GRB10: variants seen among roughly 807,000 people sequenced by gnomAD.
GRB10 encodes growth factor receptor-bound protein 10.
GRB10 carries 20 observed loss-of-function variants against 80.9 expected under a neutral mutation model. The ratio of observed to expected loss-of-function variants is 0.25; its 90% confidence interval spans 0.17 to 0.36. The LOEUF (loss-of-function observed/expected upper bound fraction) is 0.36, where lower values mean the gene tolerates loss of function less well. Among genes scored for constraint, GRB10 ranks in the 10% least tolerant of loss-of-function variants. GRB10 has a pLI of 1.00. For missense variants in GRB10, 548 were observed against 747.7 expected, an observed-to-expected ratio of 0.73 and a Z score of 3.12; for synonymous variants, 291 against 291.5, an observed-to-expected ratio of 1.00 and a Z score of 0.02.
chr7:50,597,746 C>T (rs537213132), intron 17 of GRB10, among the ~76,000 whole-genome samples: 13 of 152,300 alleles, frequency 8.5e-5, no homozygotes, highest in African/African-American at 2.4e-4. Context: ...GACTGCTATG[C>T]GGGGAGAATG....
At chr7:50,718,266 T>TCCTTCTTCTGAAA (rs1378974068) in intron 4 of GRB10, among the ~76,000 whole-genome samples, 1 of 152,134 alleles carries the variant, frequency 6.6e-6, no homozygotes, top group East Asian at 1.9e-4. Flanking sequence ...GAAAATGAGT[T>TCCTTCTTCTGAAA]TGGTTTGAAA....
chr7:50,666,260 T>A (rs1369286901), intron 7 of GRB10, among the ~76,000 whole-genome samples: 1 of 152,222 alleles, frequency 6.6e-6, no homozygotes, highest in African/African-American at 2.4e-5. Flanking sequence ...GGGCCCACTT[T>A]GCGGTCAACC....
intron 8 of GRB10, among the ~76,000 whole-genome samples, chr7:50,622,781 C>T: frequency 6.6e-6 from 1 of 150,886 alleles, no homozygotes; most frequent in South Asian, 2.1e-4. Flanking sequence ...TTCAAAATTC[C>T]TTTTATCTTT....
Position 50,603,980 on chromosome 7 carries a change from T to TCAGTGGTGG in GRB10, c.1544+9_1544+17dup. On this transcript the variant is annotated intron_variant, in intron 17 of 18. Transcript: ENST00000401949. ...AAACCTTAGCAGATGACAGCTCTTA[T>TCAGTGGTGG]CAGTGGTGGTTCCTTACCCATCCAC... 1 of 1,564,708 alleles carries TCAGTGGTGG rather than the reference T, an allele frequency of 6.4e-7. No individual in the cohort carries two copies.
chr7:50,772,867 T>C (rs2077120764), intron 2 of GRB10, among the ~76,000 whole-genome samples: 1 of 152,110 alleles, frequency 6.6e-6, no homozygotes, highest in African/African-American at 2.4e-5. Context: ...CTGATAAGAG[T>C]ATTAATATCT....
intron 7 of GRB10, among the ~76,000 whole-genome samples, chr7:50,666,290 C>T (rs1463977909): frequency 6.6e-6 from 1 of 152,174 alleles, no homozygotes; most frequent in African/African-American, 2.4e-5. Flanking sequence ...CAGGGTCTGG[C>T]AAAACACCCG....
At chr7:50,664,714 C>A (rs1478803533) in intron 7 of GRB10, among the ~76,000 whole-genome samples, 2 of 152,198 alleles carry the variant, frequency 1.3e-5, no homozygotes, top group Non-Finnish European at 2.9e-5. Context: ...CCACAGAGAC[C>A]CAGTGGCACC....
At chr7:50,747,513 T>C (rs561345183) in intron 3 of GRB10, 1 of 152,266 alleles carries the variant, frequency 6.6e-6, no homozygotes, top group East Asian at 1.9e-4. Context: ...TCCAACCCTT[T>C]GGGATTTTTC....
intron 7 of GRB10, among the ~76,000 whole-genome samples, chr7:50,638,406 C>T (rs1455151725): frequency 1.6e-4 from 24 of 152,068 alleles, no homozygotes; most frequent in Admixed American, 1.6e-3. Flanking sequence ...AAAAAACAAA[C>T]AATCCCATTA....
chr7:50,745,717 C>T (rs910036483), intron 3 of GRB10, among the ~76,000 whole-genome samples: 6 of 152,184 alleles, frequency 3.9e-5, no homozygotes, highest in East Asian at 3.8e-4. Flanking sequence ...AAACTAAATG[C>T]GCTCCAAAGT....
chr7:50,708,439 A>G (rs2065336213), intron 4 of GRB10, among the ~76,000 whole-genome samples: 2 of 152,210 alleles, frequency 1.3e-5, no homozygotes, highest in Non-Finnish European at 2.9e-5. Context: ...GGCACTAAAG[A>G]TCATCCGGAC....
intron 6 of GRB10, among the ~76,000 whole-genome samples, chr7:50,671,035 C>G (rs1294714028): frequency 6.6e-6 from 1 of 152,186 alleles, no homozygotes; most frequent in Non-Finnish European, 1.5e-5. Flanking sequence ...CTGTGAACAG[C>G]AGAGAAATCA....
At chr7:50,643,228 T>A (rs1169815606) in intron 7 of GRB10, among the ~76,000 whole-genome samples, 1 of 151,308 alleles carries the variant, frequency 6.6e-6, no homozygotes, top group Non-Finnish European at 1.5e-5. Flanking sequence ...ATGGAGGGGG[T>A]CCTGGAACCA....
chr7:50,714,477 C>T (rs1271925474), intron 4 of GRB10, among the ~76,000 whole-genome samples: 9 of 152,146 alleles, frequency 5.9e-5, no homozygotes, highest in Non-Finnish European at 1.2e-4. Flanking sequence ...TTCTGGCTAA[C>T]ACGGTGAAAC....
chr7:50,726,463 C>CA (rs1263955556), intron 4 of GRB10, among the ~76,000 whole-genome samples: 11 of 151,428 alleles, frequency 7.3e-5, no homozygotes, highest in African/African-American at 2.4e-4. Flanking sequence ...TTATATTATT[C>CA]AAAAAAAATC....
At chr7:50,645,567 T>C in intron 7 of GRB10, 1 of 980,564 alleles carries the variant, frequency 1.0e-6, no homozygotes, top group Non-Finnish European at 1.2e-6. Context: ...CCAAGAAGAA[T>C]AAGTACCTGA....
At chr7:50,745,146 T>C (rs921040540) in intron 3 of GRB10, among the ~76,000 whole-genome samples, 1 of 152,184 alleles carries the variant, frequency 6.6e-6, no homozygotes, top group Non-Finnish European at 1.5e-5. Context: ...TAGTAATTAC[T>C]GAAAAAAACT....
intron 4 of GRB10, among the ~76,000 whole-genome samples, chr7:50,731,899 T>A (rs887404741): frequency 6.6e-6 from 1 of 152,222 alleles, no homozygotes; most frequent in Non-Finnish European, 1.5e-5. Flanking sequence ...CCACCATCAC[T>A]GCAGAACCCG....
rs138241744 is a variant in GRB10 at position 50,613,853 on chromosome 7, G to C, written c.1095+917C>G. 3.3e-5 allele frequency among the ~76,000 whole-genome samples: 5 copies of C among 152,288 alleles called. No individual in the cohort carries two copies. In the East Asian group the frequency reaches 9.6e-4, roughly 29 times the overall value. On this transcript the variant is annotated intron_variant, in intron 12 of 18. Transcript: ENST00000401949. ...TGGAAAGAAATTTTCCCCTAAGGAG[G>C]GGCTCCCCGTATTGTGTGTTCTCGG...
Sources: allele counts gnomAD v4.1 joint callset (sites outside exome capture counted in the v4.1 genomes callset), GRCh38; gene constraint gnomAD v4.1.1; transcripts MANE v1.5; gene names NCBI Gene and HGNC (gene_info 2026-07-23, HGNC 2026-07-21).